The following RASSF4 variants were observed in gnomAD, a reference collection of about 807,000 sequenced individuals.
The protein encoded by RASSF4 is Ras association domain family member 4, also known as ras association domain-containing protein 4.
A neutral mutation model predicts 41.1 loss-of-function variants in RASSF4; 38 were observed. The observed-to-expected ratio is 0.92, with a 90% CI of 0.71 to 1.21. The LOEUF (loss-of-function observed/expected upper bound fraction) is 1.21. RASSF4 is among the 50% of genes most tolerant of loss of function. RASSF4 has a pLI of 0.00. For missense variants in RASSF4, 414 were observed against 419.4 expected, an observed-to-expected ratio of 0.99 and a Z score of 0.11; for synonymous variants, 179 against 163.4, an observed-to-expected ratio of 1.10 and a Z score of -0.73.
At chr10:44,992,854 A>G (rs11239303) in intron 10 of RASSF4, among the ~76,000 whole-genome samples, 6,841 of 152,208 alleles carry the variant, frequency 0.045, 168 homozygotes, top group East Asian at 0.094. Flanking sequence ...TGACCCCGTA[A>G]GATTTGAGAG....
chr10:44,963,969 T>A (rs1213524632), intron 1 of RASSF4, among the ~76,000 whole-genome samples: 1 of 152,222 alleles, frequency 6.6e-6, no homozygotes. Flanking sequence ...AAGCCTCACT[T>A]CACTCGGCAT....
intron 1 of RASSF4, among the ~76,000 whole-genome samples, chr10:44,966,563 T>C (rs1840910651): frequency 1.3e-5 from 2 of 152,244 alleles, no homozygotes; most frequent in Admixed American, 1.3e-4. Flanking sequence ...TATGGGTTTC[T>C]TTAACCAAGG....
chr10:44,982,216 C>G, intron 3 of RASSF4: 1 of 416,830 alleles, frequency 2.4e-6, no homozygotes. Flanking sequence ...GGAACCACTT[C>G]TTCACCGCGG....
intron 3 of RASSF4, among the ~76,000 whole-genome samples, chr10:44,973,133 G>A (rs1162381178): frequency 6.6e-6 from 1 of 152,178 alleles, no homozygotes; most frequent in Admixed American, 6.5e-5. Flanking sequence ...CAGGCTGCGA[G>A]GCCCCACAGC....
At position 44,984,039 on chromosome 10, in the gene RASSF4, A is replaced by C; in HGVS notation, c.299A>C (p.Gln100Pro). 1 of 1,602,966 alleles carries C rather than the reference A, an allele frequency of 6.2e-7. No homozygotes were observed. The change falls in exon 5 of 11, where the codon CAG becomes CCG. Residue 100 changes from glutamine (Q) to proline (P), a missense_variant. Transcript: ENST00000340258. ...PSCPLKEPSP[Q>P]NGNITAQGPS... ...GTTTTCAGAAAGGAGCCATCGCCCC[A>C]GAACGGGAACATCACAGCCCAGGGG... is the stretch of plus-strand genomic sequence containing the variant.
At chr10:44,977,702 C>A in intron 3 of RASSF4, 1 of 1,612,424 alleles carries the variant, frequency 6.2e-7, no homozygotes, top group Non-Finnish European at 8.5e-7. Flanking sequence ...CTGGGACTCC[C>A]CAAAAAGCCA....
chr10:44,990,976 C>A lies in RASSF4; in HGVS notation c.714C>A (p.Tyr238Ter). The A allele has an allele frequency of 6.2e-7, 1 of 1,613,658 alleles. No homozygotes were observed. The highest frequency in any genetic ancestry group is 8.5e-7 in the Non-Finnish European group (1 of 1,179,614). Reference protein sequence around the residue: ...GERTKLKDCEYPLISRILHGP... With the variant: ...GERTKLKDCE ...GGACAAAATTAAAAGACTGCGAGTA[C>A]CCGCTGATTTCCAGAATCCTGCATG... Residue 238 changes from tyrosine (Y) to a stop codon, truncating the protein, a stop_gained, in exon 9 of 11, where the codon TAC (tyrosine) becomes TAA (stop). Transcript: ENST00000340258. LOFTEE classifies it high-confidence loss of function.
intron 1 of RASSF4, among the ~76,000 whole-genome samples, chr10:44,963,226 AG>A (rs1840774244): frequency 1.3e-5 from 2 of 151,928 alleles, no homozygotes; most frequent in Non-Finnish European, 2.9e-5. Flanking sequence ...AGTGGAGAGG[AG>A]GGGTCTGGTG....
At chr10:44,982,418 A>G in intron 3 of RASSF4, 103 bp from the exon 4 acceptor site, 1 of 1,405,786 alleles carries the variant, frequency 7.1e-7, no homozygotes, top group Non-Finnish European at 1.0e-6. Flanking sequence ...ACTCAGGAGG[A>G]GGGATGTGCA....
intron 2 of RASSF4, chr10:44,971,456 G>A (rs1841156320): frequency 1.8e-6 from 1 of 553,304 alleles, no homozygotes. Context: ...CGCAGGTGGA[G>A]GGCAGGGAGG....
chr10:44,965,274 A>C (rs1840859428), intron 1 of RASSF4, among the ~76,000 whole-genome samples: 1 of 152,162 alleles, frequency 6.6e-6, no homozygotes, highest in African/African-American at 2.4e-5. Flanking sequence ...AGTGAAAGTG[A>C]CCTTGTTATG....
chr10:44,994,715 G>A lies in RASSF4; in HGVS notation c.*1386G>A, dbSNP rs1842236163. ...TAAAGGTGTGCTGTATTGAACTGAA[G>A]AAGTGAGAACCAAGCTTTTTTTTTT... On this transcript the variant is annotated 3_prime_UTR_variant, in exon 11 of 11. Coordinates refer to ENST00000340258, the MANE Select transcript of RASSF4 (RefSeq NM_032023.4). 1 of 150,742 alleles carries A rather than the reference G, an allele frequency of 6.6e-6. No homozygotes were observed. The highest frequency in any genetic ancestry group is 6.6e-5 in the Admixed American group (1 of 15,102). The allele number at this position is 150,742 out of a possible 1,614,324, so 9.3% of individuals were successfully genotyped here. A position where few individuals can be genotyped will look rare whatever the true frequency, so the allele number is the denominator to read the frequency against.
intron 4 of RASSF4, 114 bp downstream of exon 4, chr10:44,982,777 T>A: frequency 8.5e-7 from 1 of 1,183,102 alleles, no homozygotes. Flanking sequence ...CACAGGAGGG[T>A]GACCCAGCCT....
chr10:44,993,400 C>T lies in RASSF4; in HGVS notation c.*71C>T, dbSNP rs1232854165. 2.2e-5 allele frequency: 28 copies of T among 1,279,124 alleles called. No individual in the cohort carries two copies. In the East Asian group the frequency reaches 2.5e-4, roughly 12 times the overall value. 79.2% of individuals were successfully genotyped at this position (1,279,124 alleles called of 1,614,324 possible). A position where few individuals can be genotyped will look rare whatever the true frequency, so the allele number is the denominator to read the frequency against. On this transcript the variant is annotated 3_prime_UTR_variant, in exon 11 of 11. Coordinates refer to ENST00000340258, the MANE Select transcript of RASSF4 (RefSeq NM_032023.4). ...TACACTGAGCCCTGGTTGCTGGCCC[C>T]GGCCGGTCACATTGACTGATGGCCA...
chr10:44,989,472 G>C, intron 7 of RASSF4, 97 bp downstream of exon 7: 2 of 995,850 alleles, frequency 2.0e-6, no homozygotes, highest in Non-Finnish European at 3.1e-6. Flanking sequence ...GGCAGAAGCT[G>C]CCTGGGCAGA....
Position 44,984,027 on chromosome 10 carries a change from A to T in RASSF4, c.287A>T (p.Glu96Val), listed in dbSNP as rs532136550. ...CTGCAGTTGTCTGTTTTCAGAAAGG[A>T]GCCATCGCCCCAGAACGGGAACATC... ...MPRRPSCPLK[E>V]PSPQNGNITA... Residue 96 changes from glutamate to valine, a missense_variant, in exon 5 of 11, where the codon GAG becomes GTG. Coordinates refer to ENST00000340258, the MANE Select transcript of RASSF4 (RefSeq NM_032023.4). The T allele has an allele frequency of 1.3e-6, 2 of 1,598,032 alleles. No individual in the cohort carries two copies. Among genetic ancestry groups the T allele is most frequent in the Admixed American group, 1.7e-5 (1 of 57,754 alleles).
intron 6 of RASSF4, among the ~76,000 whole-genome samples, chr10:44,988,745 C>T (rs567602945): frequency 1.3e-5 from 2 of 152,312 alleles, no homozygotes; most frequent in Non-Finnish European, 2.9e-5. Context: ...CTGGGCTAGA[C>T]GTCACTTGGA....
chr10:44,971,698 G>T lies in RASSF4; in HGVS notation c.63-75G>T, dbSNP rs146605955. 993 of 1,115,350 alleles carry T rather than the reference G, an allele frequency of 8.9e-4. 9 individuals are homozygous for T. In the African/African-American group the frequency reaches 0.013, roughly 15 times the overall value. The allele number at this position is 1,115,350 out of a possible 1,614,324, so 69.1% of individuals were successfully genotyped here. On this transcript the variant is annotated intron_variant, in intron 2 of 10. Transcript: ENST00000340258. ...CTCCTGTTACAAATGAGGAAACAGA[G>T]GCCAGGGAAGCCAAAGGCCAGAAGC...
intron 4 of RASSF4, chr10:44,983,293 A>C: frequency 4.2e-6 from 1 of 240,914 alleles, no homozygotes; most frequent in Non-Finnish European, 8.3e-6. Context: ...TATGAAACCC[A>C]TGCTGTGACA....
Sources: gnomAD v4.1 joint callset for allele counts (sites outside exome capture counted in the v4.1 genomes callset) on GRCh38, gnomAD v4.1.1 for gene constraint, MANE v1.5 for transcripts, NCBI Gene and HGNC (gene_info 2026-07-23, HGNC 2026-07-21) for gene names.